The following DPP10 variants were observed in gnomAD, a reference collection of about 807,000 sequenced individuals.
The protein encoded by DPP10 is dipeptidyl peptidase like 10, also known as inactive dipeptidyl peptidase 10.
DPP10 carries 33 observed loss-of-function variants against 120.9 expected under a neutral mutation model. The ratio of observed to expected loss-of-function variants is 0.27; its 90% confidence interval spans 0.21 to 0.37. The LOEUF (loss-of-function observed/expected upper bound fraction) is 0.37. DPP10 is among the 10% of genes least tolerant of loss of function. The pLI, the probability that DPP10 is intolerant of heterozygous loss-of-function variation, is 1.00. For missense variants in DPP10, 816 were observed against 942.8 expected (o/e 0.87, Z 1.76); for synonymous variants, 337 against 326.1 (o/e 1.03, Z -0.36).
intron 5 of DPP10, among the ~76,000 whole-genome samples, chr2:115,577,409 T>A (rs967977940): frequency 6.6e-6 from 1 of 152,188 alleles, no homozygotes; most frequent in Non-Finnish European, 1.5e-5. Flanking sequence ...GTTTTTTCAT[T>A]TGTCGATGGC....
intron 1 of DPP10, among the ~76,000 whole-genome samples, chr2:115,298,006 T>C (rs1353688392): frequency 1.3e-5 from 2 of 152,064 alleles, no homozygotes; most frequent in African/African-American, 4.8e-5. Flanking sequence ...TGCAGATAGC[T>C]AGTTATCCGC....
intron 1 of DPP10, among the ~76,000 whole-genome samples, chr2:114,528,205 G>A (rs1685664452): frequency 6.6e-6 from 1 of 152,150 alleles, no homozygotes; most frequent in Non-Finnish European, 1.5e-5. Context: ...GGTTACAGAG[G>A]AGACACTGCC....
intron 3 of DPP10, among the ~76,000 whole-genome samples, chr2:115,478,498 T>G (rs1000052104): frequency 3.3e-5 from 5 of 152,202 alleles, no homozygotes; most frequent in African/African-American, 9.6e-5. Flanking sequence ...GGTTTGGCAG[T>G]AATATTTCTT....
At chr2:115,184,598 C>T (rs940991103) in intron 1 of DPP10, among the ~76,000 whole-genome samples, 1 of 152,142 alleles carries the variant, frequency 6.6e-6, no homozygotes, top group East Asian at 1.9e-4. Context: ...AAAGCCAAGC[C>T]GGCTCTAATT....
chr2:115,330,955 C>G (rs1218798733), intron 2 of DPP10, among the ~76,000 whole-genome samples: 14 of 152,184 alleles, frequency 9.2e-5, no homozygotes, highest in Non-Finnish European at 1.8e-4. Flanking sequence ...TTTTCCAATT[C>G]TGTGAAGAAA....
At chr2:115,445,640 G>T (rs1456921441) in intron 3 of DPP10, among the ~76,000 whole-genome samples, 1 of 152,134 alleles carries the variant, frequency 6.6e-6, no homozygotes, top group Non-Finnish European at 1.5e-5. Flanking sequence ...GTATCTGGTG[G>T]AAGAAATTTC....
chr2:114,890,637 T>C (rs1692466536), intron 1 of DPP10, among the ~76,000 whole-genome samples: 1 of 152,224 alleles, frequency 6.6e-6, no homozygotes, highest in Non-Finnish European at 1.5e-5. Flanking sequence ...GGATAGTTAT[T>C]AGCATCATTC....
intron 1 of DPP10, among the ~76,000 whole-genome samples, chr2:115,019,036 AC>A (rs1327827729): frequency 6.6e-6 from 1 of 151,498 alleles, no homozygotes; most frequent in Non-Finnish European, 1.5e-5. Context: ...CAGGGCAGAG[AC>A]CCAGCACCCA....
In DPP10 at chr2:114,885,435, A is replaced by G. The variant is rs577706386; in HGVS notation, c.61-423804A>G. Among the ~76,000 whole-genome samples the G allele has an allele frequency of 2.0e-5, 3 of 152,326 alleles. No individual in the cohort carries two copies. The South Asian group carries it at 6.2e-4, about 32-fold the overall frequency. Reference sequence around the variant, plus strand: ...TCAGTACCGGGGATTACAATTCAACATGAGACTTGGGCAGGGACAAACATA... The same window carrying G: ...TCAGTACCGGGGATTACAATTCAACGTGAGACTTGGGCAGGGACAAACATA... On this transcript the variant is annotated intron_variant, in intron 1 of 25. Transcript: ENST00000410059.
chr2:115,284,446 A>T (rs1041243278), intron 1 of DPP10, among the ~76,000 whole-genome samples: 24 of 152,000 alleles, frequency 1.6e-4, no homozygotes, highest in African/African-American at 5.8e-4. Flanking sequence ...ACATGACTTC[A>T]TATTCTAACT....
intron 1 of DPP10, among the ~76,000 whole-genome samples, chr2:114,845,416 T>TA (rs1255913382): frequency 6.6e-6 from 1 of 152,090 alleles, no homozygotes; most frequent in African/African-American, 2.4e-5. Context: ...AAAGTTAGTT[T>TA]AAAAAAATCT....
intron 1 of DPP10, among the ~76,000 whole-genome samples, chr2:114,634,648 A>T (rs6755115): frequency 0.11 from 16,852 of 151,860 alleles, 1,436 homozygotes; most frequent in African/African-American, 0.21. Context: ...TATTTTACCC[A>T]CTTATGAATT....
intron 1 of DPP10, among the ~76,000 whole-genome samples, chr2:114,537,561 G>A (rs1255972593): frequency 6.6e-6 from 1 of 152,066 alleles, no homozygotes; most frequent in African/African-American, 2.4e-5. Context: ...TCCTCGTGGA[G>A]CAGGAAAGAT....
intron 1 of DPP10, among the ~76,000 whole-genome samples, chr2:114,629,158 G>A (rs74968765): frequency 1.3e-5 from 2 of 151,900 alleles, no homozygotes; most frequent in African/African-American, 2.4e-5. Flanking sequence ...CCATATCCTC[G>A]TTGATAAGAT....
chr2:114,831,841 CTCTT>C (rs912828154), intron 1 of DPP10, among the ~76,000 whole-genome samples: 57 of 100,102 alleles, frequency 5.7e-4, no homozygotes, highest in African/African-American at 1.8e-3. Context: ...CTCTTTCTCT[CTCTT>C]TAATTAAAAA....
intron 1 of DPP10, among the ~76,000 whole-genome samples, chr2:115,230,003 C>T (rs2057657224): frequency 6.6e-6 from 1 of 151,584 alleles, no homozygotes. Context: ...CTCCAGATTC[C>T]TTTGAGTAGT....
chr2:114,715,720 T>TA (rs1701303784), intron 1 of DPP10, among the ~76,000 whole-genome samples: 1 of 152,032 alleles, frequency 6.6e-6, no homozygotes, highest in Admixed American at 6.6e-5. Context: ...AAAAGCTGGG[T>TA]ACACAGTCAC....
At chr2:115,379,912 G>A (rs1182608369) in intron 3 of DPP10, among the ~76,000 whole-genome samples, 1 of 152,194 alleles carries the variant, frequency 6.6e-6, no homozygotes, top group East Asian at 1.9e-4. Context: ...ACTGTGGTCT[G>A]AGAGATAGTT....
chr2:115,018,352 T>C (rs1427732842), intron 1 of DPP10, among the ~76,000 whole-genome samples: 1 of 152,144 alleles, frequency 6.6e-6, no homozygotes, highest in Non-Finnish European at 1.5e-5. Flanking sequence ...GCAATCCCAT[T>C]ACTGGGTATA....
Sources: allele counts gnomAD v4.1 joint callset (sites outside exome capture counted in the v4.1 genomes callset), GRCh38; gene constraint gnomAD v4.1.1; transcripts MANE v1.5; gene names NCBI Gene and HGNC (gene_info 2026-07-23, HGNC 2026-07-21).